KCNQ3: variants seen among roughly 807,000 people sequenced by gnomAD.
The protein encoded by KCNQ3 is potassium voltage-gated channel subfamily Q member 3, also known as potassium voltage-gated channel subfamily KQT member 3.
A neutral mutation model predicts 92.5 loss-of-function variants in KCNQ3; 30 were observed. The ratio of observed to expected loss-of-function variants is 0.32; its 90% CI spans 0.24 to 0.44. The LOEUF is 0.44. Among genes scored for constraint, KCNQ3 ranks in the 20% least tolerant of loss-of-function variants. The pLI, the probability that KCNQ3 is intolerant of heterozygous loss-of-function variation, is 1.00. For missense variants in KCNQ3, 913 were observed against 1,140.3 expected (o/e 0.80, Z 2.87); for synonymous variants, 450 against 468.8 (o/e 0.96, Z 0.52).
chr8:132,134,867 A>G lies in KCNQ3; in HGVS notation c.1701-479T>C, dbSNP rs77225683. 3.1e-3 allele frequency among the ~76,000 whole-genome samples: 468 copies of G among 152,192 alleles called. 25 individuals are homozygous for G. In the East Asian group the frequency reaches 0.078, roughly 25 times the overall value. ...GAGCTTTACAGACAAATCCTAGGCT[A>G]CATATTCAGCTGCACACATCACTGC... is the stretch of plus-strand genomic sequence containing the variant. On this transcript the variant is annotated intron_variant, in intron 12 of 14. Transcript: ENST00000388996.
chr8:132,277,209 C>T (rs891190009), intron 1 of KCNQ3, among the ~76,000 whole-genome samples: 3 of 152,060 alleles, frequency 2.0e-5, no homozygotes, highest in Non-Finnish European at 2.9e-5. Context: ...CAAATTAAAA[C>T]AAAACAAAAC....
chr8:132,243,049 T>C (rs1481696648), intron 1 of KCNQ3, among the ~76,000 whole-genome samples: 2 of 152,162 alleles, frequency 1.3e-5, no homozygotes, highest in East Asian at 1.9e-4. Flanking sequence ...AAAATCCCCA[T>C]TGCAGAAGGA....
intron 3 of KCNQ3, among the ~76,000 whole-genome samples, chr8:132,182,730 A>G (rs990427798): frequency 6.6e-6 from 1 of 152,240 alleles, no homozygotes; most frequent in Non-Finnish European, 1.5e-5. Flanking sequence ...GAAGAAAAAT[A>G]AGTCTGCTTA....
At chr8:132,368,570 T>C (rs1819385669) in intron 1 of KCNQ3, among the ~76,000 whole-genome samples, 1 of 151,958 alleles carries the variant, frequency 6.6e-6, no homozygotes, top group African/African-American at 2.4e-5. Context: ...GGAGGATCAC[T>C]TGGGCCCCGG....
intron 1 of KCNQ3, among the ~76,000 whole-genome samples, chr8:132,280,410 G>A (rs991899281): frequency 6.6e-6 from 1 of 152,214 alleles, no homozygotes; most frequent in African/African-American, 2.4e-5. Context: ...AGCAGCAGGA[G>A]CAGGCATCTC....
At chr8:132,478,038 A>T (rs1165490058) in intron 1 of KCNQ3, among the ~76,000 whole-genome samples, 2 of 152,172 alleles carry the variant, frequency 1.3e-5, no homozygotes, top group Non-Finnish European at 2.9e-5. Flanking sequence ...GTACTGTGTG[A>T]GGATTAAATA....
At chr8:132,450,440 AAGAC>A (rs1370784536) in intron 1 of KCNQ3, among the ~76,000 whole-genome samples, 1 of 152,158 alleles carries the variant, frequency 6.6e-6, no homozygotes, top group Non-Finnish European at 1.5e-5. Flanking sequence ...ATCCTCTTGT[AAGAC>A]AGAAAAGTTC....
intron 1 of KCNQ3, among the ~76,000 whole-genome samples, chr8:132,300,659 T>C (rs1046370634): frequency 6.6e-6 from 1 of 152,162 alleles, no homozygotes; most frequent in South Asian, 2.1e-4. Flanking sequence ...TTTCCAAAAC[T>C]ACCTGGGCAA....
intron 1 of KCNQ3, among the ~76,000 whole-genome samples, chr8:132,286,145 G>T (rs1816674269): frequency 6.6e-6 from 1 of 152,162 alleles, no homozygotes; most frequent in Admixed American, 6.5e-5. Context: ...ATACCCAATG[G>T]AAATGTAAGG....
At chr8:132,335,557 C>T (rs551147459) in intron 1 of KCNQ3, among the ~76,000 whole-genome samples, 11 of 152,258 alleles carry the variant, frequency 7.2e-5, no homozygotes, top group South Asian at 2.1e-4. Context: ...TAGAGGGTGA[C>T]GGTACAGGGT....
intron 1 of KCNQ3, among the ~76,000 whole-genome samples, chr8:132,317,247 G>T (rs1016038208): frequency 6.6e-6 from 1 of 151,674 alleles, no homozygotes; most frequent in Non-Finnish European, 1.5e-5. Context: ...AAAAATAGTT[G>T]TAAGGTGACT....
At chr8:132,138,498 C>T (rs548801181) in intron 11 of KCNQ3, among the ~76,000 whole-genome samples, 9 of 152,286 alleles carry the variant, frequency 5.9e-5, no homozygotes, top group African/African-American at 1.4e-4. Context: ...TGATATATCT[C>T]ATCCTCAAGA....
intron 1 of KCNQ3, among the ~76,000 whole-genome samples, chr8:132,283,930 CAG>C (rs914734081): frequency 2.6e-5 from 4 of 152,164 alleles, no homozygotes; most frequent in Non-Finnish European, 5.9e-5. Context: ...AAATATTTGT[CAG>C]GCATCTACTT....
At chr8:132,182,692 C>T (rs1219881428) in intron 3 of KCNQ3, among the ~76,000 whole-genome samples, 1 of 152,158 alleles carries the variant, frequency 6.6e-6, no homozygotes. Flanking sequence ...CTCAGAACTT[C>T]TGGTCAGCCT....
chr8:132,349,364 G>A (rs1157633331), intron 1 of KCNQ3, among the ~76,000 whole-genome samples: 1 of 152,190 alleles, frequency 6.6e-6, no homozygotes, highest in Non-Finnish European at 1.5e-5. Context: ...AAAATCAGAA[G>A]CACAGATGAG....
intron 1 of KCNQ3, among the ~76,000 whole-genome samples, chr8:132,311,936 A>T (rs1817605280): frequency 6.6e-6 from 1 of 151,746 alleles, no homozygotes; most frequent in Admixed American, 6.6e-5. Flanking sequence ...TGGGAACTAA[A>T]TCCAGTGACT....
Position 132,184,387 on chromosome 8 carries a change from G to A in KCNQ3, c.478-20C>T, listed in dbSNP as rs543697742. ...TGTCTCCTGCATGGAAGAGCATATG[G>A]AGAGGCACTGATTAACCGAGATCCA... is the stretch of plus-strand genomic sequence containing the variant. On this transcript the variant is annotated intron_variant, in intron 2 of 14. Transcript: ENST00000388996. The A allele has an allele frequency of 1.2e-5, 19 of 1,613,524 alleles. No individual in the cohort carries two copies. In the East Asian group the frequency reaches 3.6e-4, roughly 30 times the overall value.
chr8:132,359,299 C>T (rs1174052218), intron 1 of KCNQ3, among the ~76,000 whole-genome samples: 3 of 152,196 alleles, frequency 2.0e-5, no homozygotes, highest in African/African-American at 7.2e-5. Context: ...TTGCTGTAGT[C>T]TACATTTTAT....
At chr8:132,285,798 A>C (rs1816663555) in intron 1 of KCNQ3, among the ~76,000 whole-genome samples, 1 of 152,214 alleles carries the variant, frequency 6.6e-6, no homozygotes, top group Non-Finnish European at 1.5e-5. Flanking sequence ...GAAGCCTAAG[A>C]GGGCAGAATG....
Sources: gnomAD v4.1 joint callset for allele counts (sites outside exome capture counted in the v4.1 genomes callset) on GRCh38, gnomAD v4.1.1 for gene constraint, MANE v1.5 for transcripts, NCBI Gene and HGNC (gene_info 2026-07-23, HGNC 2026-07-21) for gene names.